BACH2: variants seen among roughly 807,000 people sequenced by gnomAD.
The protein encoded by BACH2 is BACH transcriptional regulator 2.
In BACH2, 5 loss-of-function variants were observed where a neutral mutation model predicts 61.8. The observed-to-expected ratio is 0.08, with a 90% CI of 0.04 to 0.17. The LOEUF (loss-of-function observed/expected upper bound fraction) is 0.17. Ranked by LOEUF, BACH2 falls within the 10% of genes least tolerant of loss-of-function variation. The probability of loss-of-function intolerance (pLI) is 1.00; values close to 1 mark genes in which losing one functional copy is unlikely to be tolerated. For synonymous variants in BACH2, 446 were observed against 440.1 expected, an observed-to-expected ratio of 1.01 and a Z score of -0.17; for missense variants, 824 against 1,091.1, an observed-to-expected ratio of 0.76 and a Z score of 3.45.
At chr6:90,062,828 C>G (rs932887107) in intron 5 of BACH2, 2 of 663,918 alleles carry the variant, frequency 3.0e-6, no homozygotes, top group Admixed American at 1.3e-4. Flanking sequence ...TCTGAATAAT[C>G]CTGAGAGCAG....
chr6:90,257,042 CATT>C (rs966091682), intron 2 of BACH2, among the ~76,000 whole-genome samples: 9 of 152,188 alleles, frequency 5.9e-5, no homozygotes, highest in Non-Finnish European at 1.0e-4. Context: ...GACAAGCTCT[CATT>C]ATTTTCTAGG....
rs1314751331 is a variant in BACH2, at chr6:89,927,424, C to T, written c.*4984G>A. 1.3e-5 allele frequency: 2 copies of T among 152,846 alleles called. No homozygotes were observed. Among genetic ancestry groups the T allele is most frequent in the African/African-American group, 2.4e-5 (1 of 41,466 alleles). 9.5% of individuals were successfully genotyped at this position (152,846 alleles called of 1,614,324 possible). A position where few individuals can be genotyped will look rare whatever the true frequency, so the allele number is the denominator to read the frequency against. ...TCCAAGTCCCTTCACTCTTTCGCAA[C>T]ATATGCGTCTGATTATTCCCATGGG... On this transcript the variant is annotated 3_prime_UTR_variant, in exon 9 of 9. Transcript: ENST00000257749.
chr6:90,134,765 T>C (rs766426193), intron 4 of BACH2, among the ~76,000 whole-genome samples: 2 of 152,218 alleles, frequency 1.3e-5, no homozygotes, highest in Admixed American at 6.5e-5. Context: ...TCTGGTTGAA[T>C]TGAAGCCTTG....
chr6:90,295,275 A>T (rs1772304844), intron 1 of BACH2, among the ~76,000 whole-genome samples: 2 of 152,172 alleles, frequency 1.3e-5, no homozygotes, highest in Admixed American at 6.5e-5. Context: ...CCCTCAAGTT[A>T]CCAAACTCGC....
In BACH2 at chr6:89,951,046, A is replaced by G; in HGVS notation, c.1060T>C (p.Ser354Pro). 6.2e-7 allele frequency: 1 copy of G among 1,610,272 alleles called. No individual in the cohort carries two copies. Among genetic ancestry groups the G allele is most frequent in the Non-Finnish European group, 8.5e-7 (1 of 1,178,202 alleles). Reference sequence around the variant, plus strand: ...TGCTGAGATGTACTGGGCAGGCCAGACAGCTCCACACTTTTCGTTATGCTG... The same window carrying G: ...TGCTGAGATGTACTGGGCAGGCCAGGCAGCTCCACACTTTTCGTTATGCTG... Reference protein sequence around the residue: ...LFSITKSVELSGLPSTSQQHF... With the variant: ...LFSITKSVELPGLPSTSQQHF... The change falls in exon 7 of 9, where the codon TCT becomes CCT. Residue 354 changes from serine to proline, a missense_variant. Coordinates refer to ENST00000257749, the MANE Select transcript of BACH2 (RefSeq NM_021813.4). This position sits in a 1 kb window ranked among gnomAD's most constrained non-coding sequence, Gnocchi z 6.4.
At chr6:90,225,156 G>A (rs1202492696) in intron 3 of BACH2, among the ~76,000 whole-genome samples, 6 of 152,072 alleles carry the variant, frequency 3.9e-5, no homozygotes, top group Non-Finnish European at 7.4e-5. Context: ...AGGCCGAGGC[G>A]GGTGGGTCAC....
chr6:90,286,833 T>C (rs773219635), intron 1 of BACH2, among the ~76,000 whole-genome samples: 1 of 151,268 alleles, frequency 6.6e-6, no homozygotes, highest in African/African-American at 2.4e-5. Context: ...AAAAAAAAAA[T>C]TGAGACTTGG....
At chr6:90,042,636 C>T (rs1198877582) in intron 5 of BACH2, among the ~76,000 whole-genome samples, 1 of 152,154 alleles carries the variant, frequency 6.6e-6, no homozygotes, top group Non-Finnish European at 1.5e-5. Context: ...CATAAAAACA[C>T]ATACTCACAT....
chr6:90,150,470 T>C (rs906248260), intron 4 of BACH2, among the ~76,000 whole-genome samples: 14 of 152,316 alleles, frequency 9.2e-5, no homozygotes, highest in African/African-American at 3.4e-4. Flanking sequence ...CTAACACTTA[T>C]CAATTACTAC....
At chr6:90,109,487 C>T (rs1233114241) in intron 4 of BACH2, among the ~76,000 whole-genome samples, 1 of 152,112 alleles carries the variant, frequency 6.6e-6, no homozygotes, top group African/African-American at 2.4e-5. Flanking sequence ...TATACTCACT[C>T]CCAGGCCTGT....
chr6:89,978,532 T>C (rs1179809572), intron 6 of BACH2, among the ~76,000 whole-genome samples: 2 of 151,220 alleles, frequency 1.3e-5, no homozygotes, highest in Non-Finnish European at 2.9e-5. Context: ...ACTCTGCAGT[T>C]AGCCAGAGAA....
chr6:90,127,706 G>T (rs2127822187), intron 4 of BACH2, among the ~76,000 whole-genome samples: 1 of 152,346 alleles, frequency 6.6e-6, no homozygotes, highest in East Asian at 1.9e-4. Context: ...GGGACAGCTA[G>T]TATTTGGCCT....
rs1230671410 is a variant in BACH2, at chr6:90,014,466, ATATTTTTTTTTT to A, written c.-12-5622_-12-5611del. On this transcript the variant is annotated intron_variant, in intron 5 of 8. Transcript: ENST00000257749. ...TATATATATATATATATATATATAT[ATATTTTTTTTTT>A]TTTTTTTTTTTTTTTAGACAGATTC... is the stretch of plus-strand genomic sequence containing the variant. Among the ~76,000 whole-genome samples, 8 of 50,960 alleles carry A rather than the reference ATATTTTTTTTTT, an allele frequency of 1.6e-4. No individual in the cohort carries two copies. The Admixed American group carries it at 1.8e-3, about 11-fold the overall frequency. The allele number at this position is 50,960 out of a possible 152,430, so 33.4% of individuals were successfully genotyped here.
Position 90,053,287 on chromosome 6 carries a change from T to C in BACH2, c.-13+35674A>G, listed in dbSNP as rs893907401. ...CTTTCTGAAGTATACGCTTTTTTTT[T>C]CTTTTATTTAGAGACAGGGTTGTAC... On this transcript the variant is annotated intron_variant, in intron 5 of 8. Coordinates refer to ENST00000257749, the MANE Select transcript of BACH2 (RefSeq NM_021813.4). Among the ~76,000 whole-genome samples the C allele has an allele frequency of 3.3e-5, 5 of 152,150 alleles. No individual in the cohort carries two copies. The East Asian group carries it at 5.8e-4, about 18-fold the overall frequency.
At chr6:90,291,740 T>C (rs554569281) in intron 1 of BACH2, among the ~76,000 whole-genome samples, 1 of 152,224 alleles carries the variant, frequency 6.6e-6, no homozygotes, top group African/African-American at 2.4e-5. Context: ...AATTTAAAGA[T>C]AGGAGGACAG....
intron 4 of BACH2, among the ~76,000 whole-genome samples, chr6:90,103,029 A>ATATATATATATATATATATATTTTTTT: frequency 4.7e-5 from 1 of 21,164 alleles, no homozygotes; most frequent in African/African-American, 2.4e-4. Context: ...ATATATATAT[A>ATATATATATATATATATATATTTTTTT]TTTTTTTTTT....
At chr6:90,257,100 C>T (rs778552635) in intron 2 of BACH2, among the ~76,000 whole-genome samples, 1 of 152,212 alleles carries the variant, frequency 6.6e-6, no homozygotes, top group Non-Finnish European at 1.5e-5. Context: ...GGTATACTTA[C>T]AGCCACTTCT....
At chr6:90,095,759 CCATCAT>C (rs1006224643) in intron 4 of BACH2, among the ~76,000 whole-genome samples, 3 of 140,104 alleles carry the variant, frequency 2.1e-5, no homozygotes, top group Non-Finnish European at 3.0e-5. Flanking sequence ...ATCACCATCA[CCATCAT>C]CATCATCATC....
At chr6:90,166,136 G>A (rs905406239) in intron 4 of BACH2, among the ~76,000 whole-genome samples, 3 of 152,062 alleles carry the variant, frequency 2.0e-5, no homozygotes, top group Non-Finnish European at 4.4e-5. Flanking sequence ...TACAAAATGG[G>A]AGAAAGTTTT....
Sources: gnomAD v4.1 joint callset for allele counts (sites outside exome capture counted in the v4.1 genomes callset) on GRCh38, gnomAD v4.1.1 for gene constraint, Gnocchi (gnomAD v3.1) non-coding constraint, MANE v1.5 for transcripts, NCBI Gene and HGNC (gene_info 2026-07-23, HGNC 2026-07-21) for gene names.